The following TYK2 variants were observed in gnomAD, a reference collection of about 807,000 sequenced individuals.
TYK2 encodes the protein tyrosine kinase 2, also known as non-receptor tyrosine-protein kinase TYK2.
TYK2 carries 65 observed loss-of-function variants against 130.9 expected under a neutral mutation model. The ratio of observed to expected loss-of-function variants is 0.50; its 90% CI spans 0.41 to 0.61. TYK2 has a LOEUF of 0.61. TYK2 is among the 20% of genes least tolerant of loss of function. TYK2 has a pLI of 0.00. For synonymous variants in TYK2, 647 were observed against 658.9 expected (o/e 0.98, Z 0.28); for missense variants, 1,378 against 1,610.7 (o/e 0.86, Z 2.47).
In TYK2 at chr19:10,354,549, T is replaced by C. The variant is rs769293044; in HGVS notation, c.2678A>G (p.His893Arg). 3.1e-6 allele frequency: 5 copies of C among 1,613,878 alleles called. No individual in the cohort carries two copies. In the Admixed American group the frequency reaches 8.3e-5, roughly 27 times the overall value. ...TCGGATCTTTTTCAAATAGCGCTTG[T>C]GGAAAACCGTAGGGTCCGACGCCGG... ...DSPASDPTVFHKRYLKKIRDL... is the reference protein window; with the variant it reads ...DSPASDPTVFRKRYLKKIRDL... The change falls in exon 19 of 25, where the codon CAC (histidine) becomes CGC (arginine). Residue 893 changes from histidine (H) to arginine (R), a missense_variant. By Grantham distance (29) the His-to-Arg change is conservative. Coordinates refer to ENST00000525621, the MANE Select transcript of TYK2 (RefSeq NM_003331.5).
chr19:10,370,701 G>A (rs1419056114), intron 3 of TYK2, among the ~76,000 whole-genome samples: 1 of 150,534 alleles, frequency 6.6e-6, no homozygotes, highest in African/African-American at 2.4e-5. Context: ...ACCTGTAATC[G>A]CAGCTACTCA....
At position 10,364,599 on chromosome 19, in the gene TYK2, C is replaced by T; in HGVS notation, c.1367+15G>A. The T allele has an allele frequency of 6.2e-7, 1 of 1,613,528 alleles. No homozygotes were observed. The highest frequency in any genetic ancestry group is 1.1e-5 in the South Asian group (1 of 91,078). The stretch of plus-strand genomic sequence containing the variant: ...CCTTGGCGGTGGCCCCCAGCGCCCC[C>T]CACCCAGCACTCACAGCAGGGGTCC... On this transcript the variant is annotated intron_variant, in intron 9 of 24. Transcript: ENST00000525621. The surrounding 1 kb of genome is among the most constrained non-coding windows in gnomAD (Gnocchi z 4.9).
chr19:10,363,539 A>G lies in TYK2; in HGVS notation c.1368-882T>C, dbSNP rs2041511362. Among the ~76,000 whole-genome samples the G allele has an allele frequency of 1.3e-5, 2 of 152,016 alleles. 1 individual carries two copies. Among genetic ancestry groups the G allele is most frequent in the Admixed American group, 1.3e-4 (2 of 15,242 alleles). On this transcript the variant is annotated intron_variant, in intron 9 of 24. Transcript: ENST00000525621. ...CTGACAAGGTGACACACACTCCAAG[A>G]TTGGAAACAGCCATCAGGAGCCGGA...
At position 10,353,883 on chromosome 19, in the gene TYK2, G is replaced by A; in HGVS notation, c.2908+159C>T. 1 of 834,144 alleles carries A rather than the reference G, an allele frequency of 1.2e-6. No homozygotes were observed. Among genetic ancestry groups the A allele is most frequent in the East Asian group, 2.7e-5 (1 of 37,540 alleles). The allele number at this position is 834,144 out of a possible 1,614,324, so 51.7% of individuals were successfully genotyped here. On this transcript the variant is annotated intron_variant, in intron 20 of 24. Transcript: ENST00000525621. This position sits in a 1 kb window ranked among gnomAD's most constrained non-coding sequence, Gnocchi z 6.9. ...GTAGCACCCCCCAGATGGGAAGGAG[G>A]CAGCCCAGCCACGCTCACCCAGATG... is the stretch of plus-strand genomic sequence containing the variant.
intron 5 of TYK2, among the ~76,000 whole-genome samples, chr19:10,367,768 A>G (rs2041733048): frequency 6.6e-6 from 1 of 150,944 alleles, no homozygotes; most frequent in Admixed American, 6.6e-5. Flanking sequence ...AAAATACAAA[A>G]AATTAGCTGG....
At chr19:10,368,865 G>C (rs1191401929) in intron 3 of TYK2, 1 of 206,528 alleles carries the variant, frequency 4.8e-6, no homozygotes, top group Non-Finnish European at 1.0e-5. Context: ...CTGGAGAGCA[G>C]TGACACGATC....
At chr19:10,375,834 G>A (rs915377090) in intron 3 of TYK2, among the ~76,000 whole-genome samples, 7 of 151,462 alleles carry the variant, frequency 4.6e-5, no homozygotes, top group Admixed American at 6.6e-5. Context: ...GGCTGAGGCC[G>A]GAGAATCGCT....
chr19:10,373,331 C>A (rs1020584234), intron 3 of TYK2, among the ~76,000 whole-genome samples: 1 of 151,532 alleles, frequency 6.6e-6, no homozygotes, highest in Non-Finnish European at 1.5e-5. Flanking sequence ...AGCTACGGCA[C>A]CTGGCCAATG....
Position 10,361,983 on chromosome 19 carries a change from G to C in TYK2, c.1774-28C>G. On this transcript the variant is annotated intron_variant, in intron 12 of 24. Transcript: ENST00000525621. The surrounding 1 kb of genome is among the most constrained non-coding windows in gnomAD (Gnocchi z 4.0). The stretch of plus-strand genomic sequence containing the variant: ...GCGGGATCATGTGGCACAGAATACC[G>C]CCATGGTGAAAGTTAGCAGCTGATC... 2.5e-6 allele frequency: 4 copies of C among 1,613,840 alleles called. No homozygotes were observed. Among genetic ancestry groups the C allele is most frequent in the Non-Finnish European group, 3.4e-6 (4 of 1,179,904 alleles).
Position 10,354,185 on chromosome 19 carries a change from C to G in TYK2, c.2765G>C (p.Gly922Ala), listed in dbSNP as rs1350090662. The stretch of plus-strand genomic sequence containing the variant: ...TTTCACCGCCACCATCTCGCCAGTG[C>G]CGTCGTTGGTCGGATCGTAGCAGTA... ...SLYCYDPTND[G>A]TGEMVAVKAL... is the part of the protein sequence containing the mutation. Residue 922 changes from glycine (G) to alanine (A), a missense_variant, in exon 20 of 25, where the codon GGC (glycine) becomes GCC (alanine). Gly to Ala is a moderately conservative substitution (Grantham distance 60). Coordinates refer to ENST00000525621, the MANE Select transcript of TYK2 (RefSeq NM_003331.5). 6.2e-7 allele frequency: 1 copy of G among 1,613,812 alleles called. No individual in the cohort carries two copies.
intron 2 of TYK2, among the ~76,000 whole-genome samples, chr19:10,379,221 C>T (rs1422998498): frequency 2.6e-5 from 4 of 151,578 alleles, no homozygotes; most frequent in South Asian, 2.1e-4. Flanking sequence ...CCAAGCTACT[C>T]GGGAGGCTGA....
intron 3 of TYK2, among the ~76,000 whole-genome samples, chr19:10,374,917 G>A (rs1029457165): frequency 1.1e-4 from 17 of 151,920 alleles, no homozygotes; most frequent in Non-Finnish European, 2.5e-4. Flanking sequence ...GGCCAGGCGC[G>A]ATGGCTCATG....
rs1348990424 is a variant in TYK2, at chr19:10,356,696, TG to T, written c.2488del (p.Gln830SerfsTer20). ...PSEKEHFYQR[Q>X]HRLPEPSCPQ... ...GCAGGAGGGCTCGGGCAGCCGGTGCTGCCTCTGGTAGAAATGCTCCTTCTGT... is the reference window on the plus strand; with the variant it reads ...GCAGGAGGGCTCGGGCAGCCGGTGCTCCTCTGGTAGAAATGCTCCTTCTGT... On this transcript the variant is annotated frameshift_variant, in exon 18 of 25. Transcript: ENST00000525621. LOFTEE classifies it high-confidence loss of function. The T allele has an allele frequency of 6.2e-7, 1 of 1,610,428 alleles. No homozygotes were observed. Among genetic ancestry groups the T allele is most frequent in the Non-Finnish European group, 8.5e-7 (1 of 1,178,698 alleles).
Position 10,368,595 on chromosome 19 carries a change from C to G in TYK2, c.194-177G>C, listed in dbSNP as rs764332012. 49 of 840,736 alleles carry G rather than the reference C, an allele frequency of 5.8e-5. No homozygotes were observed. In the African/African-American group the frequency reaches 7.9e-4, roughly 14 times the overall value. 52.1% of individuals were successfully genotyped at this position (840,736 alleles called of 1,614,324 possible). ...AGTGCGTATGTTGCCCATGCTGTGG[C>G]CTCACAGGAGGACTACATTTCCCAG... On this transcript the variant is annotated intron_variant, in intron 3 of 24. Coordinates refer to ENST00000525621, the MANE Select transcript of TYK2 (RefSeq NM_003331.5).
At chr19:10,368,603 G>A (rs1016858040) in intron 3 of TYK2, 185 bp from the exon 4 acceptor site, 2 of 763,704 alleles carry the variant, frequency 2.6e-6, no homozygotes. Context: ...GGCCTCACAG[G>A]AGGACTACAT....
At chr19:10,379,098 A>G (rs771814079) in intron 2 of TYK2, among the ~76,000 whole-genome samples, 1 of 151,922 alleles carries the variant, frequency 6.6e-6, no homozygotes, top group Admixed American at 6.6e-5. Context: ...ACCTCAGGTG[A>G]TCCACCCGCC....
At chr19:10,380,329 C>G (rs2304257) in intron 1 of TYK2, 51 bp downstream of exon 1, 8,761 of 152,704 alleles carry the variant, frequency 0.057, 328 homozygotes, top group Middle Eastern at 0.082. Context: ...GTCCTCCCCC[C>G]AAAACCTCTA....
intron 3 of TYK2, among the ~76,000 whole-genome samples, chr19:10,376,720 A>G (rs1337120186): frequency 6.6e-6 from 1 of 151,964 alleles, no homozygotes; most frequent in Admixed American, 6.6e-5. Flanking sequence ...CTCCTGCCTC[A>G]GCCTCCTGAG....
At chr19:10,363,187 C>CTTTTTT (rs942594471) in intron 9 of TYK2, among the ~76,000 whole-genome samples, 2 of 127,690 alleles carry the variant, frequency 1.6e-5, no homozygotes, top group Non-Finnish European at 1.6e-5. Flanking sequence ...CCTGATCTCT[C>CTTTTTT]TTTTTTTTTT....
Sources: allele counts gnomAD v4.1 joint callset (sites outside exome capture counted in the v4.1 genomes callset), GRCh38; gene constraint gnomAD v4.1.1; non-coding constraint Gnocchi (gnomAD v3.1); transcripts MANE v1.5; gene names NCBI Gene and HGNC (gene_info 2026-07-23, HGNC 2026-07-21).